Variants in TENM4 observed in about 807,000 individuals in gnomAD.
TENM4 encodes teneurin transmembrane protein 4.
Under a neutral mutation model 243.3 loss-of-function variants are expected in TENM4, and 82 were observed. The ratio of observed to expected loss-of-function variants is 0.34; its 90% CI spans 0.28 to 0.40. The LOEUF (loss-of-function observed/expected upper bound fraction) is 0.40. TENM4 is among the 10% of genes least tolerant of loss of function. TENM4 has a pLI of 1.00. For synonymous variants in TENM4, 1,412 were observed against 1,456.3 expected (o/e 0.97, Z 0.69); for missense variants, 3,138 against 3,673.3 (o/e 0.85, Z 3.77).
intron 1 of TENM4, among the ~76,000 whole-genome samples, chr11:79,407,027 C>G (rs1451556272): frequency 6.6e-6 from 1 of 152,192 alleles, no homozygotes. Flanking sequence ...TTTCCTGCCC[C>G]TGACCCCCAA....
intron 1 of TENM4, among the ~76,000 whole-genome samples, chr11:79,418,830 G>A (rs770821884): frequency 2.6e-4 from 40 of 152,300 alleles, no homozygotes; most frequent in African/African-American, 7.7e-4. Flanking sequence ...TTGAAGGCAG[G>A]GATTGGCTTT....
At chr11:78,707,197 T>G (rs1158394463) in intron 27 of TENM4, among the ~76,000 whole-genome samples, 6 of 152,242 alleles carry the variant, frequency 3.9e-5, no homozygotes, top group African/African-American at 1.4e-4. Context: ...TTGCTGGAGC[T>G]GAAATCAATT....
chr11:78,798,677 G>A (rs1318617729), intron 15 of TENM4, among the ~76,000 whole-genome samples: 1 of 152,122 alleles, frequency 6.6e-6, no homozygotes, highest in Non-Finnish European at 1.5e-5. Context: ...CAGCTGGACT[G>A]AGCCGCGACT....
At chr11:78,795,282 G>T (rs74964563) in intron 15 of TENM4, among the ~76,000 whole-genome samples, 3,480 of 152,148 alleles carry the variant, frequency 0.023, 134 homozygotes, top group African/African-American at 0.08. Context: ...ATTAATCTCT[G>T]CATTCCCTAG....
rs541773091 is a variant in TENM4 at position 79,009,435 on chromosome 11, C to T, written c.493+55303G>A. On this transcript the variant is annotated intron_variant, in intron 6 of 33. Coordinates refer to ENST00000278550, the MANE Select transcript of TENM4 (RefSeq NM_001098816.3). The stretch of plus-strand genomic sequence containing the variant: ...GATGTGGAGATGAGAAAGGCACAGA[C>T]CCTTTATGAGCTTGCAGCCTACCTG... 3.9e-5 allele frequency among the ~76,000 whole-genome samples: 6 copies of T among 152,268 alleles called. No individual in the cohort carries two copies. The South Asian group carries it at 1.0e-3, about 26-fold the overall frequency.
chr11:78,976,954 T>C (rs925160132), intron 6 of TENM4, among the ~76,000 whole-genome samples: 5 of 152,212 alleles, frequency 3.3e-5, no homozygotes, highest in Non-Finnish European at 1.5e-5. Flanking sequence ...CAGGAATCAC[T>C]CTCGCACTCA....
intron 6 of TENM4, among the ~76,000 whole-genome samples, chr11:78,936,449 T>C (rs1856785985): frequency 6.6e-6 from 1 of 152,228 alleles, no homozygotes. Flanking sequence ...TTTATTAGAC[T>C]AATGGCAGCT....
chr11:79,265,194 C>T (rs1465616118), intron 2 of TENM4, among the ~76,000 whole-genome samples: 1 of 152,140 alleles, frequency 6.6e-6, no homozygotes, highest in East Asian at 1.9e-4. Flanking sequence ...CTGCATGCTC[C>T]CTGGTGACAC....
intron 1 of TENM4, among the ~76,000 whole-genome samples, chr11:79,418,240 G>A (rs945293747): frequency 8.5e-5 from 13 of 152,202 alleles, no homozygotes; most frequent in African/African-American, 2.4e-4. Flanking sequence ...GGAGGACAGA[G>A]ATGCAGGACA....
chr11:79,221,862 T>G (rs1032391174), intron 2 of TENM4, among the ~76,000 whole-genome samples: 1 of 152,172 alleles, frequency 6.6e-6, no homozygotes, highest in Non-Finnish European at 1.5e-5. Context: ...CCTCTGTGGG[T>G]CAAGCCAACC....
intron 28 of TENM4, among the ~76,000 whole-genome samples, chr11:78,696,582 T>C (rs1467931597): frequency 6.6e-6 from 1 of 152,218 alleles, no homozygotes; most frequent in Non-Finnish European, 1.5e-5. Flanking sequence ...AGTCTGTTTA[T>C]GGTTAGCCTC....
At chr11:78,932,991 T>A (rs1159539370) in intron 6 of TENM4, among the ~76,000 whole-genome samples, 1 of 151,824 alleles carries the variant, frequency 6.6e-6, no homozygotes, top group African/African-American at 2.4e-5. Context: ...TGGGCTGGAG[T>A]TCAATATCTT....
intron 9 of TENM4, among the ~76,000 whole-genome samples, chr11:78,870,292 C>T (rs1859088842): frequency 6.6e-6 from 1 of 152,172 alleles, no homozygotes; most frequent in Admixed American, 6.5e-5. Flanking sequence ...TTTAAGCCAG[C>T]TCTGTGATAC....
intron 6 of TENM4, among the ~76,000 whole-genome samples, chr11:78,918,470 A>G (rs570524657): frequency 1.8e-3 from 279 of 151,254 alleles, no homozygotes; most frequent in South Asian, 3.5e-3. Context: ...AAAAAGGGAC[A>G]GAGAGAGAAA....
intron 2 of TENM4, among the ~76,000 whole-genome samples, chr11:79,294,878 AC>A (rs1459965321): frequency 1.3e-5 from 2 of 152,304 alleles, no homozygotes; most frequent in East Asian, 3.9e-4. Context: ...GTCAAGAGTT[AC>A]ATGCAGGTGT....
chr11:79,160,563 A>G (rs139932639), intron 3 of TENM4, among the ~76,000 whole-genome samples: 1 of 152,240 alleles, frequency 6.6e-6, no homozygotes, highest in Admixed American at 6.5e-5. Flanking sequence ...GAGTGTGAAG[A>G]AAAAGCGGCC....
intron 6 of TENM4, among the ~76,000 whole-genome samples, chr11:78,906,743 A>G (rs1565120265): frequency 6.6e-6 from 1 of 151,962 alleles, no homozygotes; most frequent in Admixed American, 6.6e-5. Flanking sequence ...CAGACCTCTC[A>G]TTTTCATTTC....
chr11:78,736,911 C>G (rs1855811863), intron 20 of TENM4, among the ~76,000 whole-genome samples: 1 of 152,134 alleles, frequency 6.6e-6, no homozygotes, highest in African/African-American at 2.4e-5. Context: ...GCTCCATGCT[C>G]TCAGTGGGCA....
intron 6 of TENM4, among the ~76,000 whole-genome samples, chr11:78,911,876 CT>C (rs538759960): frequency 1.1e-3 from 170 of 152,344 alleles, no homozygotes; most frequent in African/African-American, 4.0e-3. Context: ...CAAGACACTT[CT>C]TTTCCCCCAG....
Sources: gnomAD v4.1 joint callset for allele counts (sites outside exome capture counted in the v4.1 genomes callset) on GRCh38, gnomAD v4.1.1 for gene constraint, MANE v1.5 for transcripts, NCBI Gene and HGNC (gene_info 2026-07-23, HGNC 2026-07-21) for gene names.